LRRC37A3: variants seen among roughly 807,000 people sequenced by gnomAD.
The protein encoded by LRRC37A3 is leucine-rich repeat-containing protein 37A3.
LRRC37A3 carries 25 observed loss-of-function variants against 106.2 expected under a neutral mutation model. The observed-to-expected ratio is 0.24, with a 90% CI of 0.17 to 0.33. The LOEUF is 0.33. Ranked by LOEUF, LRRC37A3 falls within the 10% of genes least tolerant of loss-of-function variation. The pLI is 1.00. For missense variants in LRRC37A3, 712 were observed against 1,644.9 expected (o/e 0.43, Z 9.81); for synonymous variants, 305 against 635.8 (o/e 0.48, Z 7.83).
intron 8 of LRRC37A3, chr17:64,881,209 A>G: frequency 1.4e-6 from 1 of 700,762 alleles, no homozygotes; most frequent in South Asian, 1.5e-5. Context: ...AAATCTAGAG[A>G]ATCTGAAACA....
chr17:64,869,497 T>C (rs953334931), intron 8 of LRRC37A3, among the ~76,000 whole-genome samples: 11 of 152,082 alleles, frequency 7.2e-5, no homozygotes, highest in Admixed American at 7.2e-4. Flanking sequence ...GGAAACAGTA[T>C]TTCTAGCAAC....
chr17:64,870,901 G>T (rs1973292689), intron 8 of LRRC37A3, among the ~76,000 whole-genome samples: 2 of 143,670 alleles, frequency 1.4e-5, no homozygotes, highest in Middle Eastern at 7.0e-3. Flanking sequence ...ACAGGGTCTT[G>T]CTCCATTGAC....
chr17:64,874,264 G>A (rs1476907986), intron 8 of LRRC37A3, among the ~76,000 whole-genome samples: 8 of 152,184 alleles, frequency 5.3e-5, no homozygotes, highest in South Asian at 2.1e-4. Flanking sequence ...GGGCATGCCC[G>A]TCTGGGATGT....
At chr17:64,910,628 T>C (rs1974567652) in intron 2 of LRRC37A3, among the ~76,000 whole-genome samples, 1 of 149,304 alleles carries the variant, frequency 6.7e-6, no homozygotes, top group South Asian at 2.2e-4. Flanking sequence ...AAGAGTAACA[T>C]TGTCCCCCCT....
In LRRC37A3 at chr17:64,908,899, T is replaced by A. The variant is rs975642521; in HGVS notation, c.-496+9851A>T. Among the ~76,000 whole-genome samples, 6 of 149,988 alleles carry A rather than the reference T, an allele frequency of 4.0e-5. 1 individual carries two copies. The highest frequency in any genetic ancestry group is 1.5e-4 in the African/African-American group (6 of 39,272). ...GCAACACAGGGATACTCTGCCTCTC[T>A]AAAAATATTTTAAGAAGTACCACCA... On this transcript the variant is annotated intron_variant, in intron 2 of 14. Coordinates refer to ENST00000584306, the MANE Select transcript of LRRC37A3 (RefSeq NM_199340.5).
In LRRC37A3 at chr17:64,862,760, T is replaced by C. The variant is rs1047964440; in HGVS notation, c.3172+140A>G. On this transcript the variant is annotated intron_variant, in intron 11 of 14. Transcript: ENST00000584306. ...TCTCAGCAAGGGAGTAGTTCAGAAA[T>C]TGAGGGAGTTTAACTCTGAATGAGT... The C allele has an allele frequency of 3.0e-5, 35 of 1,166,482 alleles. No individual in the cohort carries two copies. In the South Asian group the frequency reaches 4.9e-4, roughly 16 times the overall value. The allele number at this position is 1,166,482 out of a possible 1,614,324, so 72.3% of individuals were successfully genotyped here.
intron 2 of LRRC37A3, among the ~76,000 whole-genome samples, chr17:64,899,279 G>T (rs1443509594): frequency 7.5e-4 from 105 of 140,048 alleles, no homozygotes; most frequent in African/African-American, 3.0e-3. Flanking sequence ...AATTAGCTGA[G>T]TGTGGTGACG....
chr17:64,884,366 A>T (rs1567776031), intron 8 of LRRC37A3, among the ~76,000 whole-genome samples: 2 of 150,940 alleles, frequency 1.3e-5, no homozygotes, highest in East Asian at 1.9e-4. Context: ...TATTATTATT[A>T]TATTATTATT....
intron 2 of LRRC37A3, among the ~76,000 whole-genome samples, chr17:64,915,661 C>T (rs1265907002): frequency 1.3e-5 from 2 of 152,194 alleles, no homozygotes; most frequent in Non-Finnish European, 2.9e-5. Flanking sequence ...CAGACTTCAT[C>T]AAAATTTAAA....
intron 12 of LRRC37A3, among the ~76,000 whole-genome samples, 194 bp downstream of exon 12, chr17:64,859,248 A>G (rs1427343340): frequency 1.3e-5 from 2 of 152,114 alleles, no homozygotes; most frequent in African/African-American, 2.4e-5. Context: ...TACCACCCCC[A>G]GCCTACAGTT....
Position 64,897,005 on chromosome 17 carries a change from C to G in LRRC37A3, c.253G>C (p.Asp85His). 1 of 1,556,918 alleles carries G rather than the reference C, an allele frequency of 6.4e-7. No individual in the cohort carries two copies. Among genetic ancestry groups the G allele is most frequent in the South Asian group, 1.1e-5 (1 of 89,764 alleles). Residue 85 changes from aspartate (D) to histidine (H), a missense_variant, in exon 4 of 15, where the codon GAT (aspartate) becomes CAT (histidine). Physicochemically the swap from Asp to His is moderately conservative, Grantham distance 81. Transcript: ENST00000584306. ...PTLPADPWDF[D>H]HLGPSASSEM... ...GAGGAAGCAGAGGGCCCCAGGTGAT[C>G]AAAGTCCCACGGGTCTGCTGGGAGA...
chr17:64,901,128 A>G (rs1974297777), intron 2 of LRRC37A3: 1 of 148,698 alleles, frequency 6.7e-6, no homozygotes, highest in Non-Finnish European at 1.5e-5. Context: ...CGAAATGCTG[A>G]GATTTCAAGC....
chr17:64,919,313 T>A, intron 1 of LRRC37A3, 118 bp downstream of exon 1: 3 of 269,320 alleles, frequency 1.1e-5, no homozygotes, highest in Non-Finnish European at 1.5e-5. Context: ...GCGGGCGCAA[T>A]GGGCGCAGTG....
Position 64,863,566 on chromosome 17 carries a change from C to T in LRRC37A3, c.3054-548G>A, listed in dbSNP as rs186092022. 35 of 153,610 alleles carry T rather than the reference C, an allele frequency of 2.3e-4. 1 individual carries two copies. Among genetic ancestry groups the T allele is most frequent in the Admixed American group, 7.7e-4 (12 of 15,498 alleles). 9.5% of individuals were successfully genotyped at this position (153,610 alleles called of 1,614,324 possible). A position where few individuals can be genotyped will look rare whatever the true frequency, so the allele number is the denominator to read the frequency against. Reference sequence around the variant, plus strand: ...CATATTTAATATAAAGAAGAATCCACGAAGAGTGATATTGAAAAAGAAAGA... The same window carrying T: ...CATATTTAATATAAAGAAGAATCCATGAAGAGTGATATTGAAAAAGAAAGA... On this transcript the variant is annotated intron_variant, in intron 10 of 14. Transcript: ENST00000584306.
rs986841223 is a variant in LRRC37A3 at position 64,868,258 on chromosome 17, T to C, written c.3053+204A>G. Among the ~76,000 whole-genome samples, 5 of 152,124 alleles carry C rather than the reference T, an allele frequency of 3.3e-5. No individual in the cohort carries two copies. In the East Asian group the frequency reaches 5.8e-4, roughly 18 times the overall value. ...CTACAAAGGGACAGGAGGGGCCTTT[T>C]TGAGGCATCAGAAATGCTTTATATT... On this transcript the variant is annotated intron_variant, in intron 10 of 14. Coordinates refer to ENST00000584306, the MANE Select transcript of LRRC37A3 (RefSeq NM_199340.5).
At chr17:64,863,102 G>C in intron 10 of LRRC37A3, 84 bp from the exon 11 acceptor site, 9 of 1,567,854 alleles carry the variant, frequency 5.7e-6, no homozygotes, top group Non-Finnish European at 7.8e-6. Flanking sequence ...CTACCACAGG[G>C]GTGGGAAAAA....
At chr17:64,865,648 T>C (rs1374101861) in intron 10 of LRRC37A3, among the ~76,000 whole-genome samples, 1 of 152,170 alleles carries the variant, frequency 6.6e-6, no homozygotes, top group African/African-American at 2.4e-5. Context: ...TGAGAGTCAG[T>C]TGCAGACATA....
chr17:64,860,359 T>C lies in LRRC37A3; in HGVS notation c.3787A>G (p.Lys1263Glu), dbSNP rs761737560. Residue 1263 changes from lysine (K) to glutamate (E), a missense_variant, in exon 12 of 15, where the codon AAA (lysine) becomes GAA (glutamate). Coordinates refer to ENST00000584306, the MANE Select transcript of LRRC37A3 (RefSeq NM_199340.5). ...KGAPSTSSPA[K>E]ALPQVRDRWK... ...CTGTCTCTCACCTGTGGTAGGGCTT[T>C]TGCAGGGCTGGAGGTAGAAGGCGCG... 6.2e-7 allele frequency: 1 copy of C among 1,613,882 alleles called. No homozygotes were observed. The highest frequency in any genetic ancestry group is 1.3e-5 in the African/African-American group (1 of 74,934).
At chr17:64,883,457 A>G (rs1177135924) in intron 8 of LRRC37A3, among the ~76,000 whole-genome samples, 2 of 151,636 alleles carry the variant, frequency 1.3e-5, no homozygotes, top group African/African-American at 4.8e-5. Context: ...TAGTAAAAAC[A>G]TTAAAAAAAT....
Sources: allele counts gnomAD v4.1 joint callset (sites outside exome capture counted in the v4.1 genomes callset), GRCh38; gene constraint gnomAD v4.1.1; transcripts MANE v1.5; gene names NCBI Gene and HGNC (gene_info 2026-07-23, HGNC 2026-07-21).